The following CAMTA1 variants were observed in gnomAD, a reference collection of about 807,000 sequenced individuals.
The protein encoded by CAMTA1 is calmodulin binding transcription activator 1.
In CAMTA1, 27 loss-of-function variants were observed where a neutral mutation model predicts 170.9. That is an observed-to-expected ratio of 0.16 (90% CI 0.12 to 0.22). CAMTA1 has a LOEUF of 0.22. CAMTA1 is among the 10% of genes least tolerant of loss of function. CAMTA1 has a pLI of 1.00. For synonymous variants in CAMTA1, 833 were observed against 891.5 expected (o/e 0.93, Z 1.17); for missense variants, 1,619 against 2,217.2 (o/e 0.73, Z 5.42).
At chr1:6,791,056 A>G (rs1391416621) in intron 1 of CAMTA1, among the ~76,000 whole-genome samples, 2 of 147,858 alleles carry the variant, frequency 1.4e-5, no homozygotes, top group African/African-American at 5.0e-5. Context: ...TTGCATTTCC[A>G]TTATACAGAT....
chr1:7,101,357 G>A (rs928122398), intron 4 of CAMTA1, among the ~76,000 whole-genome samples: 1 of 152,144 alleles, frequency 6.6e-6, no homozygotes, highest in Non-Finnish European at 1.5e-5. Context: ...ATAGGAAGGC[G>A]AGTTCTTGGA....
intron 3 of CAMTA1, among the ~76,000 whole-genome samples, chr1:7,012,761 G>T (rs1431323776): frequency 6.6e-6 from 1 of 152,048 alleles, no homozygotes; most frequent in Non-Finnish European, 1.5e-5. Flanking sequence ...TCTGAATTCT[G>T]TCTTGCTCCT....
intron 3 of CAMTA1, among the ~76,000 whole-genome samples, chr1:6,964,343 A>C (rs1436279648): frequency 3.5e-5 from 5 of 143,416 alleles, no homozygotes; most frequent in Admixed American, 3.5e-4. Context: ...CGTCCTGGGT[A>C]CCTGGGGAGG....
intron 3 of CAMTA1, among the ~76,000 whole-genome samples, chr1:7,073,855 A>T (rs1638961337): frequency 6.6e-6 from 1 of 152,212 alleles, no homozygotes; most frequent in African/African-American, 2.4e-5. Flanking sequence ...TTTGCTTTGA[A>T]GGGGAGTATA....
rs1369090641 is a variant in CAMTA1 at position 7,561,030 on chromosome 1, C to A, written c.511-79370C>A. Among the ~76,000 whole-genome samples, 2 of 152,134 alleles carry A rather than the reference C, an allele frequency of 1.3e-5. No individual in the cohort carries two copies. Among genetic ancestry groups the A allele is most frequent in the African/African-American group, 2.4e-5 (1 of 41,424 alleles). On this transcript the variant is annotated intron_variant, in intron 6 of 22. Transcript: ENST00000303635. This position sits in a 1 kb window ranked among gnomAD's most constrained non-coding sequence, Gnocchi z 5.3. Reference sequence around the variant, plus strand: ...ACAGGCTGGGACCTAGAAGCCCTGGCCCTCTGCGCTCAGGCTCAGGGGGTG... The same window carrying A: ...ACAGGCTGGGACCTAGAAGCCCTGGACCTCTGCGCTCAGGCTCAGGGGGTG...
At chr1:7,164,751 A>C (rs1196585808) in intron 4 of CAMTA1, among the ~76,000 whole-genome samples, 1 of 152,252 alleles carries the variant, frequency 6.6e-6, no homozygotes, top group East Asian at 1.9e-4. Flanking sequence ...TTTCACCTTC[A>C]TAAAGGATGA....
At chr1:7,573,766 T>G (rs2095154412) in intron 6 of CAMTA1, among the ~76,000 whole-genome samples, 1 of 152,080 alleles carries the variant, frequency 6.6e-6, no homozygotes, top group South Asian at 2.1e-4. Flanking sequence ...TTTTTTGGGT[T>G]TTTTTGGGTT....
intron 16 of CAMTA1, among the ~76,000 whole-genome samples, chr1:7,743,827 C>CTTTTT (rs778978168): frequency 6.8e-6 from 1 of 146,794 alleles, no homozygotes; most frequent in East Asian, 2.0e-4. Flanking sequence ...TTTTTCTTTT[C>CTTTTT]TTTTCTTTTT....
At chr1:7,589,295 C>G (rs1322968141) in intron 6 of CAMTA1, among the ~76,000 whole-genome samples, 1 of 152,176 alleles carries the variant, frequency 6.6e-6, no homozygotes, top group Non-Finnish European at 1.5e-5. Context: ...GGGTGTTGCC[C>G]TCTTCCTGGG....
intron 5 of CAMTA1, among the ~76,000 whole-genome samples, chr1:7,436,624 C>T (rs577472370): frequency 9.9e-4 from 150 of 152,278 alleles, no homozygotes; most frequent in African/African-American, 3.5e-3. Context: ...CTCCCAGCTC[C>T]CCAGCTCTAG....
chr1:7,614,784 C>T (rs953726094), intron 6 of CAMTA1, among the ~76,000 whole-genome samples: 3 of 152,182 alleles, frequency 2.0e-5, no homozygotes, highest in Non-Finnish European at 4.4e-5. Context: ...CCCCCAGCCC[C>T]GCTGCTCCCA....
At chr1:7,537,902 C>T (rs1296474365) in intron 6 of CAMTA1, among the ~76,000 whole-genome samples, 1 of 152,204 alleles carries the variant, frequency 6.6e-6, no homozygotes, top group Admixed American at 6.5e-5. Context: ...GAAGGGAAAA[C>T]CTGTTCCTCT....
chr1:7,594,658 G>A (rs947986931), intron 6 of CAMTA1, among the ~76,000 whole-genome samples: 3 of 152,226 alleles, frequency 2.0e-5, no homozygotes, highest in African/African-American at 7.2e-5. Flanking sequence ...AGCAGGGTGG[G>A]GAGAGGAGGA....
At chr1:6,828,718 G>A (rs577812939) in intron 3 of CAMTA1, among the ~76,000 whole-genome samples, 41 of 152,066 alleles carry the variant, frequency 2.7e-4, no homozygotes, top group Non-Finnish European at 5.1e-4. Context: ...AGTGTAGGTA[G>A]ACAGTAGTTA....
intron 6 of CAMTA1, among the ~76,000 whole-genome samples, chr1:7,618,629 G>C (rs2095576454): frequency 6.6e-6 from 1 of 152,164 alleles, no homozygotes; most frequent in African/African-American, 2.4e-5. Flanking sequence ...TATAGTAAAA[G>C]GCCACACATC....
At chr1:7,119,945 C>T (rs571755431) in intron 4 of CAMTA1, among the ~76,000 whole-genome samples, 1 of 152,218 alleles carries the variant, frequency 6.6e-6, no homozygotes, top group South Asian at 2.1e-4. Flanking sequence ...GGGCTGAACT[C>T]CCCCAAGGAA....
At chr1:6,816,704 A>G (rs12135223) in intron 1 of CAMTA1, among the ~76,000 whole-genome samples, 1,637 of 152,294 alleles carry the variant, frequency 0.011, 22 homozygotes, top group South Asian at 0.059. Flanking sequence ...ACTTCTTAGT[A>G]GTGAGTGGTG....
intron 5 of CAMTA1, among the ~76,000 whole-genome samples, chr1:7,420,469 C>T (rs965169977): frequency 2.6e-5 from 4 of 152,192 alleles, no homozygotes; most frequent in Admixed American, 2.0e-4. Flanking sequence ...GTGCCTACCA[C>T]AGCACCAGGC....
intron 4 of CAMTA1, among the ~76,000 whole-genome samples, chr1:7,129,287 G>T (rs1558141470): frequency 6.6e-6 from 1 of 152,198 alleles, no homozygotes; most frequent in Non-Finnish European, 1.5e-5. Flanking sequence ...CTCATAGAAA[G>T]CCTGGGTTCT....
Sources: gnomAD v4.1 joint callset for allele counts (sites outside exome capture counted in the v4.1 genomes callset) on GRCh38, gnomAD v4.1.1 for gene constraint, Gnocchi (gnomAD v3.1) non-coding constraint, MANE v1.5 for transcripts, NCBI Gene and HGNC (gene_info 2026-07-23, HGNC 2026-07-21) for gene names.